OR9Q1: variants seen among roughly 807,000 people sequenced by gnomAD.
OR9Q1 encodes the protein olfactory receptor 9Q1.
For synonymous variants in OR9Q1, 153 were observed against 148.6 expected, an observed-to-expected ratio of 1.03 and a Z score of -0.22; for missense variants, 374 against 378.8, an observed-to-expected ratio of 0.99 and a Z score of 0.11.
intron 2 of OR9Q1, among the ~76,000 whole-genome samples, chr11:58,169,345 A>G (rs1854534136): frequency 6.6e-6 from 1 of 152,100 alleles, no homozygotes; most frequent in South Asian, 2.1e-4. Context: ...TTTAAGCTCA[A>G]ATAAATTTCC....
At chr11:58,124,613 A>C (rs1854070567) in intron 2 of OR9Q1, 1 of 152,210 alleles carries the variant, frequency 6.6e-6, no homozygotes, top group African/African-American at 2.4e-5. Context: ...GATGCTAAGC[A>C]CTTTAAAGGC....
At chr11:58,121,514 C>T (rs1039930467) in intron 2 of OR9Q1, among the ~76,000 whole-genome samples, 1 of 152,120 alleles carries the variant, frequency 6.6e-6, no homozygotes, top group Admixed American at 6.6e-5. Flanking sequence ...TGAAACCATC[C>T]GTTGACCCAC....
At chr11:58,160,318 C>T (rs1363446564) in intron 2 of OR9Q1, among the ~76,000 whole-genome samples, 1 of 152,130 alleles carries the variant, frequency 6.6e-6, no homozygotes, top group Non-Finnish European at 1.5e-5. Flanking sequence ...AATTTTAAGC[C>T]ACTAAGATTT....
intron 1 of OR9Q1, among the ~76,000 whole-genome samples, chr11:58,035,872 G>T (rs936877526): frequency 6.6e-6 from 1 of 151,308 alleles, no homozygotes; most frequent in African/African-American, 2.4e-5. Context: ...TAATCCATGT[G>T]AATGAAATAC....
At chr11:58,078,982 C>A (rs979285743) in intron 2 of OR9Q1, among the ~76,000 whole-genome samples, 1 of 152,204 alleles carries the variant, frequency 6.6e-6, no homozygotes, top group African/African-American at 2.4e-5. Context: ...AATCTCATTT[C>A]TTTTTCCAGG....
chr11:58,118,076 G>A (rs1489673546), intron 2 of OR9Q1: 1 of 155,244 alleles, frequency 6.4e-6, no homozygotes, highest in African/African-American at 2.4e-5. Flanking sequence ...AGGCCAATTT[G>A]TGCAATTCGC....
At chr11:58,052,619 GAAAA>G (rs201518399) in intron 1 of OR9Q1, among the ~76,000 whole-genome samples, 2 of 50,282 alleles carry the variant, frequency 4.0e-5, no homozygotes, top group African/African-American at 8.6e-5. Context: ...AGAAAAAAAG[GAAAA>G]AAAAAAAAAA....
chr11:58,177,244 T>C (rs1226983204), intron 2 of OR9Q1, among the ~76,000 whole-genome samples: 5 of 152,206 alleles, frequency 3.3e-5, no homozygotes, highest in Non-Finnish European at 5.9e-5. Flanking sequence ...GTTTAATTAA[T>C]GATGGACACC....
chr11:58,060,865 C>G (rs1374117978), intron 2 of OR9Q1, among the ~76,000 whole-genome samples: 3 of 151,996 alleles, frequency 2.0e-5, no homozygotes, highest in Non-Finnish European at 4.4e-5. Context: ...AGTCCCAAAC[C>G]TGCCGTACAG....
At position 58,079,237 on chromosome 11, in the gene OR9Q1, G is replaced by T. The variant is rs192128839; in HGVS notation, c.-15+23290G>T. Among the ~76,000 whole-genome samples the T allele has an allele frequency of 1.2e-3, 181 of 151,828 alleles. 2 individuals are homozygous for T. The highest frequency in any genetic ancestry group is 5.6e-4 in the Non-Finnish European group (38 of 67,952). ...CAACCATCACTCAGTTGTACTCTGAGTTCTGAGTCTTTTTTTTTTTTTATC... is the reference window on the plus strand; with the variant it reads ...CAACCATCACTCAGTTGTACTCTGATTTCTGAGTCTTTTTTTTTTTTTATC... On this transcript the variant is annotated intron_variant, in intron 2 of 2. Transcript: ENST00000335397.
intron 2 of OR9Q1, among the ~76,000 whole-genome samples, chr11:58,166,124 G>A (rs1482553269): frequency 6.6e-6 from 1 of 152,172 alleles, no homozygotes; most frequent in African/African-American, 2.4e-5. Flanking sequence ...AATACATTGA[G>A]TGCACAGCCT....
chr11:58,146,609 A>G (rs1341978561), intron 2 of OR9Q1, among the ~76,000 whole-genome samples: 2 of 152,192 alleles, frequency 1.3e-5, no homozygotes, highest in Non-Finnish European at 2.9e-5. Flanking sequence ...AATTTTTACA[A>G]TTTTGCAAAG....
intron 2 of OR9Q1, among the ~76,000 whole-genome samples, chr11:58,089,875 A>G (rs909114167): frequency 2.6e-5 from 4 of 151,840 alleles, no homozygotes; most frequent in African/African-American, 9.7e-5. Context: ...CATCCTTTGT[A>G]AGTTGGGTTC....
chr11:58,131,041 G>C (rs1052507365), intron 2 of OR9Q1, among the ~76,000 whole-genome samples: 1 of 152,090 alleles, frequency 6.6e-6, no homozygotes, highest in African/African-American at 2.4e-5. Flanking sequence ...GGATATTTTG[G>C]ATGTGAGGAG....
intron 2 of OR9Q1, among the ~76,000 whole-genome samples, chr11:58,161,112 GA>G: frequency 6.6e-6 from 1 of 151,788 alleles, no homozygotes; most frequent in Non-Finnish European, 1.5e-5. Flanking sequence ...GGGGCTGGGG[GA>G]GGGATAGCAT....
chr11:58,036,892 C>A (rs980201462), intron 1 of OR9Q1, among the ~76,000 whole-genome samples: 2 of 152,098 alleles, frequency 1.3e-5, no homozygotes, highest in Non-Finnish European at 2.9e-5. Context: ...GTTGAAATTA[C>A]AATAAAAGGA....
At chr11:58,096,685 A>AT (rs1230887685) in intron 2 of OR9Q1, among the ~76,000 whole-genome samples, 3 of 75,408 alleles carry the variant, frequency 4.0e-5, no homozygotes, top group African/African-American at 1.6e-4. Context: ...GGCTAATTTT[A>AT]TTTTTTTGAG....
At chr11:58,043,435 A>G (rs1292888614) in intron 1 of OR9Q1, among the ~76,000 whole-genome samples, 4 of 152,176 alleles carry the variant, frequency 2.6e-5, no homozygotes, top group Non-Finnish European at 4.4e-5. Context: ...ACTGAAATAC[A>G]CATTGCTTTT....
intron 1 of OR9Q1, among the ~76,000 whole-genome samples, chr11:58,052,810 AAAG>A (rs1401317133): frequency 6.6e-6 from 1 of 151,208 alleles, no homozygotes; most frequent in Non-Finnish European, 1.5e-5. Context: ...ACACTTCTCA[AAAG>A]AAGACATTTA....
Sources: allele counts gnomAD v4.1 joint callset (sites outside exome capture counted in the v4.1 genomes callset), GRCh38; gene constraint gnomAD v4.1.1; transcripts MANE v1.5; gene names NCBI Gene and HGNC (gene_info 2026-07-23, HGNC 2026-07-21).